TRPC7: variants seen among roughly 807,000 people sequenced by gnomAD.
The protein encoded by TRPC7 is transient receptor potential cation channel subfamily C member 7, also known as short transient receptor potential channel 7.
TRPC7 carries 42 observed loss-of-function variants against 90.1 expected under a neutral mutation model. The ratio of observed to expected loss-of-function variants is 0.47; its 90% CI spans 0.36 to 0.60. TRPC7 has a LOEUF of 0.60. Among genes scored for constraint, TRPC7 ranks in the 20% least tolerant of loss-of-function variants. TRPC7 has a pLI of 0.00. For synonymous variants in TRPC7, 451 were observed against 436.3 expected (o/e 1.03, Z -0.42); for missense variants, 955 against 1,112.3 (o/e 0.86, Z 2.01).
chr5:136,267,641 G>C (rs1757075864), intron 4 of TRPC7, among the ~76,000 whole-genome samples: 1 of 152,138 alleles, frequency 6.6e-6, no homozygotes, highest in South Asian at 2.1e-4. Context: ...TTCTTTTAAT[G>C]TGCTTCAGTA....
Position 136,274,849 on chromosome 5 carries a change from AAAC to A in TRPC7, c.964-15_964-13del. Reference sequence around the variant, plus strand: ...GGATGAGCAACGAACTGTAAAAACAAAACAAAAACAAAAACAAAACGCAAACAG... The same window carrying A: ...GGATGAGCAACGAACTGTAAAAACAAAAAAACAAAAACAAAACGCAAACAG... On this transcript the variant is annotated splice_polypyrimidine_tract_variant and intron_variant, in intron 3 of 11. Transcript: ENST00000513104. 1 of 1,550,416 alleles carries A rather than the reference AAAC, an allele frequency of 6.4e-7. No homozygotes were observed. The highest frequency in any genetic ancestry group is 8.7e-7 in the Non-Finnish European group (1 of 1,146,742).
At position 136,251,813 on chromosome 5, in the gene TRPC7, T is replaced by C. The variant is rs1756529387; in HGVS notation, c.1415A>G (p.Asn472Ser). 7 of 1,613,980 alleles carry C rather than the reference T, an allele frequency of 4.3e-6. No homozygotes were observed. The highest frequency in any genetic ancestry group is 5.1e-6 in the Non-Finnish European group (6 of 1,179,868). ...GGACAGCATCCCGAAATCTAGCAGG[T>C]TCCACAAGTGCAGCACGTACTCCCG... ...GPREYVLHLWNLLDFGMLSIF... is the reference protein window; with the variant it reads ...GPREYVLHLWSLLDFGMLSIF... Residue 472 changes from asparagine (N) to serine (S), a missense_variant, in exon 6 of 12, where the codon AAC becomes AGC. Around this residue, in one of 4 missense-constraint regions of TRPC7, gnomAD observed 484 missense variants for 509.6 expected, o/e 0.95. Coordinates refer to ENST00000513104, the MANE Select transcript of TRPC7 (RefSeq NM_020389.3).
intron 1 of TRPC7, among the ~76,000 whole-genome samples, chr5:136,361,687 A>G (rs1369744773): frequency 6.6e-6 from 1 of 152,204 alleles, no homozygotes; most frequent in East Asian, 1.9e-4. Flanking sequence ...ATCCAAGCTT[A>G]AAATCAATTC....
intron 1 of TRPC7, among the ~76,000 whole-genome samples, chr5:136,362,439 T>C (rs896117819): frequency 6.6e-6 from 1 of 152,110 alleles, no homozygotes; most frequent in Admixed American, 6.5e-5. Flanking sequence ...GAATTGTAAA[T>C]ATAAACATAT....
intron 1 of TRPC7, among the ~76,000 whole-genome samples, chr5:136,360,750 C>A (rs1319370099): frequency 6.6e-6 from 1 of 152,132 alleles, no homozygotes; most frequent in Non-Finnish European, 1.5e-5. Context: ...GCATGTGCTA[C>A]TCAGTGAAAT....
In TRPC7 at chr5:136,272,750, C is replaced by T. The variant is rs116647643; in HGVS notation, c.1128+1923G>A. Among the ~76,000 whole-genome samples, 465 of 152,250 alleles carry T rather than the reference C, an allele frequency of 3.1e-3. 2 individuals are homozygous for T. Among genetic ancestry groups the T allele is most frequent in the African/African-American group, 0.011 (444 of 41,546 alleles). On this transcript the variant is annotated intron_variant, in intron 4 of 11. Coordinates refer to ENST00000513104, the MANE Select transcript of TRPC7 (RefSeq NM_020389.3). ...TATCTAAACAGAGGTGAGGAAACCC[C>T]TGTTATGGACCAAACTTCCCTGCAA...
intron 2 of TRPC7, among the ~76,000 whole-genome samples, chr5:136,334,295 C>T (rs962020428): frequency 1.3e-5 from 2 of 152,166 alleles, no homozygotes; most frequent in South Asian, 2.1e-4. Flanking sequence ...ATAGAAGTGA[C>T]TTTTTAAAAA....
At chr5:136,234,373 G>T (rs1175608828) in intron 7 of TRPC7, among the ~76,000 whole-genome samples, 1 of 151,698 alleles carries the variant, frequency 6.6e-6, no homozygotes, top group Non-Finnish European at 1.5e-5. Context: ...CAAGTGGCAC[G>T]ATCTTGGCTC....
At chr5:136,250,164 C>G (rs1756473437) in intron 6 of TRPC7, among the ~76,000 whole-genome samples, 1 of 152,198 alleles carries the variant, frequency 6.6e-6, no homozygotes, top group Non-Finnish European at 1.5e-5. Flanking sequence ...ATTTGCCAAA[C>G]CCCAAAATGG....
At chr5:136,223,994 T>C (rs1184055613) in intron 10 of TRPC7, among the ~76,000 whole-genome samples, 2 of 152,248 alleles carry the variant, frequency 1.3e-5, no homozygotes, top group African/African-American at 4.8e-5. Context: ...CTTTGAGGGA[T>C]GAGCCATTTC....
intron 2 of TRPC7, among the ~76,000 whole-genome samples, chr5:136,353,996 T>A (rs1042349811): frequency 1.3e-5 from 2 of 152,240 alleles, no homozygotes; most frequent in Non-Finnish European, 1.5e-5. Context: ...TAGTTTAGTA[T>A]CATTTTATTT....
At chr5:136,353,454 A>G (rs1760265493) in intron 2 of TRPC7, among the ~76,000 whole-genome samples, 1 of 152,212 alleles carries the variant, frequency 6.6e-6, no homozygotes, top group Non-Finnish European at 1.5e-5. Flanking sequence ...GGTCATCTCC[A>G]TAATATGTGA....
chr5:136,261,389 T>C (rs1275277047), intron 5 of TRPC7, among the ~76,000 whole-genome samples: 2 of 152,220 alleles, frequency 1.3e-5, no homozygotes, highest in African/African-American at 4.8e-5. Context: ...TTCCCGCTAC[T>C]GCATCTCCCA....
chr5:136,213,671 T>C, intron 11 of TRPC7, 67 bp from the exon 12 acceptor site: 8 of 1,536,422 alleles, frequency 5.2e-6, no homozygotes, highest in Non-Finnish European at 7.1e-6. Context: ...CCCATGCACA[T>C]GTGGGCATGT....
intron 4 of TRPC7, among the ~76,000 whole-genome samples, chr5:136,274,214 T>G (rs1158787188): frequency 6.6e-6 from 1 of 152,214 alleles, no homozygotes; most frequent in Non-Finnish European, 1.5e-5. Flanking sequence ...TTTCTGGACC[T>G]ACTTCATAAA....
rs769554129 is a variant in TRPC7, at chr5:136,225,326, T to C, written c.2291A>G (p.Asn764Ser). 11 of 1,613,118 alleles carry C rather than the reference T, an allele frequency of 6.8e-6. 1 individual carries two copies. The highest frequency in any genetic ancestry group is 1.7e-6 in the Non-Finnish European group (2 of 1,179,676). ...KKTRYQAGMRNSENLTANNTL... is the reference protein window; with the variant it reads ...KKTRYQAGMRSSENLTANNTL... ...GTTATTTGCTGTCAGATTTTCAGAA[T>C]TCCTCATGCCAGCCTGGTAGCGAGT... The change falls in exon 10 of 12, where the codon AAT becomes AGT. Residue 764 changes from asparagine to serine, a missense_variant. This residue lies in a region of TRPC7 where 296 missense variants were observed against 422.7 expected (regional missense o/e 0.70). Coordinates refer to ENST00000513104, the MANE Select transcript of TRPC7 (RefSeq NM_020389.3).
In TRPC7 at chr5:136,322,128, C is replaced by A. The variant is rs1580953383; in HGVS notation, c.781-6349G>T. On this transcript the variant is annotated intron_variant, in intron 2 of 11. Coordinates refer to ENST00000513104, the MANE Select transcript of TRPC7 (RefSeq NM_020389.3). ...CTCCAGAATTCAAGCAATTCTCCTG[C>A]CTCAGTCTCCCAAGAAGCTGGAATT... Among the ~76,000 whole-genome samples, 4 of 152,184 alleles carry A rather than the reference C, an allele frequency of 2.6e-5. No homozygotes were observed. In the East Asian group the frequency reaches 7.7e-4, roughly 29 times the overall value.
chr5:136,241,938 G>C (rs1756181971), intron 7 of TRPC7, among the ~76,000 whole-genome samples: 1 of 152,044 alleles, frequency 6.6e-6, no homozygotes, highest in Non-Finnish European at 1.5e-5. Flanking sequence ...TTCTAACCCT[G>C]TAACAAGAGT....
chr5:136,364,671 G>T (rs1040270264), intron 1 of TRPC7, among the ~76,000 whole-genome samples: 20 of 152,252 alleles, frequency 1.3e-4, no homozygotes, highest in South Asian at 1.0e-3. Flanking sequence ...ACTTAAAGGG[G>T]AGATTATGAG....
Sources: allele counts gnomAD v4.1 joint callset (sites outside exome capture counted in the v4.1 genomes callset), GRCh38; gene constraint gnomAD v4.1.1; regional missense constraint gnomAD v4.1.1; transcripts MANE v1.5; gene names NCBI Gene and HGNC (gene_info 2026-07-23, HGNC 2026-07-21).